DPRX: variants seen among roughly 807,000 people sequenced by gnomAD.
DPRX encodes divergent-paired related homeobox.
DPRX carries 11 observed loss-of-function variants against 8.4 expected under a neutral mutation model. The ratio of observed to expected loss-of-function variants is 1.31; its 90% CI spans 0.82 to 2.17. The LOEUF is 2.17. Ranked by LOEUF, DPRX falls within the 30% of genes most tolerant of loss-of-function variation. The pLI is 0.00. For synonymous variants in DPRX, 72 were observed against 87.0 expected (o/e 0.83, Z 0.96); for missense variants, 211 against 236.7 (o/e 0.89, Z 0.71).
chr19:53,617,237 G>A, the DPRX span: 31 of 794,184 alleles, frequency 3.9e-5, no homozygotes, highest in Non-Finnish European at 5.7e-5. Flanking sequence ...TGAAACTACC[G>A]GGCTCTCTGA....
the DPRX span, among the ~76,000 whole-genome samples, chr19:53,604,086 G>A: frequency 6.6e-6 from 1 of 151,936 alleles, no homozygotes; most frequent in African/African-American, 2.4e-5. Context: ...TTCAAGTAGC[G>A]GCATTCCACG....
the DPRX span, among the ~76,000 whole-genome samples, chr19:53,620,051 A>G: frequency 2.0e-5 from 3 of 151,976 alleles, no homozygotes; most frequent in African/African-American, 7.2e-5. Context: ...TCCCTGAGAC[A>G]TGTTGACTTC....
At chr19:53,611,155 G>A in the DPRX span, among the ~76,000 whole-genome samples, 3 of 152,030 alleles carry the variant, frequency 2.0e-5, no homozygotes, top group African/African-American at 7.2e-5. Context: ...AACTGCCTCG[G>A]CCTCTGAAAG....
intron 2 of DPRX, 58 bp downstream of exon 2, chr19:53,634,743 A>T (rs1420926886): frequency 1.3e-6 from 2 of 1,570,794 alleles, no homozygotes; most frequent in East Asian, 4.5e-5. Flanking sequence ...CTAAATTCAG[A>T]GTCCCTCTAG....
chr19:53,618,191 T>A, the DPRX span, among the ~76,000 whole-genome samples: 1 of 151,468 alleles, frequency 6.6e-6, no homozygotes, highest in Non-Finnish European at 1.5e-5. Flanking sequence ...ACTGCATACC[T>A]ACAACTATAA....
chr19:53,623,328 A>AATAG, the DPRX span, among the ~76,000 whole-genome samples: 1,736 of 147,006 alleles, frequency 0.012, 19 homozygotes, highest in South Asian at 0.038. Context: ...TAAATAAATA[A>AATAG]ATAAATAAAT....
the DPRX span, chr19:53,602,264 ATGGGTG>A: frequency 3.0e-6 from 1 of 338,192 alleles, no homozygotes; most frequent in South Asian, 2.0e-5. Context: ...ATATATGGGT[ATGGGTG>A]TGTGTGTGTG....
chr19:53,622,508 C>T, the DPRX span, among the ~76,000 whole-genome samples: 1 of 152,144 alleles, frequency 6.6e-6, no homozygotes, highest in Admixed American at 6.6e-5. Context: ...GGTGTTATCT[C>T]AGTTACTGTA....
At chr19:53,626,235 G>A in the DPRX span, among the ~76,000 whole-genome samples, 2,610 of 151,710 alleles carry the variant, frequency 0.017, 67 homozygotes, top group African/African-American at 0.06. Context: ...ACCGTGACTG[G>A]CCCCAGCTAA....
chr19:53,620,229 C>T, the DPRX span, among the ~76,000 whole-genome samples: 15 of 152,092 alleles, frequency 9.9e-5, no homozygotes, highest in African/African-American at 3.6e-4. Context: ...GCCACCTTGC[C>T]CGGCTGTTTT....
chr19:53,613,024 G>T, the DPRX span, among the ~76,000 whole-genome samples: 8 of 152,110 alleles, frequency 5.3e-5, no homozygotes, highest in Non-Finnish European at 1.0e-4. Flanking sequence ...ATTAGAGTCA[G>T]AGATTTTAGG....
At chr19:53,602,942 G>A in the DPRX span, among the ~76,000 whole-genome samples, 3 of 150,954 alleles carry the variant, frequency 2.0e-5, no homozygotes, top group South Asian at 2.1e-4. Flanking sequence ...CTTCTAAAGT[G>A]AGCCACCACA....
At chr19:53,611,479 C>T in the DPRX span, among the ~76,000 whole-genome samples, 25 of 151,990 alleles carry the variant, frequency 1.6e-4, no homozygotes, top group African/African-American at 5.8e-4. Context: ...GTGATCCACC[C>T]GCCTCAGCCT....
At chr19:53,634,838 C>A (rs2091106273) in intron 2 of DPRX, among the ~76,000 whole-genome samples, 153 bp downstream of exon 2, 1 of 152,202 alleles carries the variant, frequency 6.6e-6, no homozygotes, top group Admixed American at 6.5e-5. Flanking sequence ...CTTTCTTCAA[C>A]CCCCTAGAGC....
the DPRX span, among the ~76,000 whole-genome samples, chr19:53,612,052 C>G: frequency 6.6e-6 from 1 of 150,464 alleles, no homozygotes; most frequent in South Asian, 2.1e-4. Context: ...CCACTGCACT[C>G]TAGCCTGGGT....
chr19:53,619,381 A>T, the DPRX span, among the ~76,000 whole-genome samples: 1 of 152,164 alleles, frequency 6.6e-6, no homozygotes, highest in African/African-American at 2.4e-5. Flanking sequence ...TCTACTAAAA[A>T]TGCAGAAAAC....
At chr19:53,617,297 G>A in the DPRX span, 16 of 669,146 alleles carry the variant, frequency 2.4e-5, no homozygotes, top group Middle Eastern at 2.6e-4. Context: ...AGTGGCTCAC[G>A]CCTGTAATCC....
the DPRX span, among the ~76,000 whole-genome samples, chr19:53,616,025 G>A: frequency 1.3e-5 from 2 of 152,078 alleles, no homozygotes; most frequent in Non-Finnish European, 2.9e-5. Flanking sequence ...CGCCGAGGCG[G>A]GTGGATCACC....
chr19:53,617,357 G>T, the DPRX span: 1 of 494,230 alleles, frequency 2.0e-6, no homozygotes, highest in Non-Finnish European at 3.7e-6. Flanking sequence ...TCAGGAGTTC[G>T]AGATCAGCCT....
Sources: gnomAD v4.1 joint callset for allele counts (sites outside exome capture counted in the v4.1 genomes callset) on GRCh38, gnomAD v4.1.1 for gene constraint, MANE v1.5 for transcripts, NCBI Gene and HGNC (gene_info 2026-07-23, HGNC 2026-07-21) for gene names.